ITGB6: variants seen among roughly 807,000 people sequenced by gnomAD.
The protein encoded by ITGB6 is integrin subunit beta 6.
Under a neutral mutation model 84.5 loss-of-function variants are expected in ITGB6, and 80 were observed. The observed-to-expected ratio is 0.95, with a 90% CI of 0.79 to 1.14. ITGB6 has a LOEUF of 1.14. ITGB6 is among the 50% of genes most tolerant of loss of function. ITGB6 has a pLI of 0.00. For missense variants in ITGB6, 1,006 were observed against 968.0 expected (o/e 1.04, Z -0.52); for synonymous variants, 383 against 354.9 (o/e 1.08, Z -0.89).
chr2:160,100,851 T>C lies in ITGB6; in HGVS notation c.*885A>G, dbSNP rs1251746888. 6.6e-6 allele frequency: 1 copy of C among 152,202 alleles called. No individual in the cohort carries two copies. The highest frequency in any genetic ancestry group is 1.5e-5 in the Non-Finnish European group (1 of 68,018). The allele number at this position is 152,202 out of a possible 1,614,324, so 9.4% of individuals were successfully genotyped here. On this transcript the variant is annotated 3_prime_UTR_variant, in exon 15 of 15. Coordinates refer to ENST00000283249, the MANE Select transcript of ITGB6 (RefSeq NM_000888.5). ...CACATGTTCCTTTTATATTATTGGA[T>C]CGCTCTTTGAATAAACTAAGCATTT...
intron 12 of ITGB6, 131 bp from the exon 13 acceptor site, chr2:160,112,330 T>C (rs899115430): frequency 2.4e-6 from 2 of 828,192 alleles, no homozygotes; most frequent in Admixed American, 6.6e-5. Flanking sequence ...AGGAGAGGCA[T>C]AGGTTTTTTT....
At position 160,123,681 on chromosome 2, in the gene ITGB6, G is replaced by A. The variant is rs1017195924; in HGVS notation, c.1981+110C>T. Reference sequence around the variant, plus strand: ...ATGAATGTGAGTGAGCTAATGCCCTGGTACAAATAAGGTCAAGCTACTAAA... The same window carrying A: ...ATGAATGTGAGTGAGCTAATGCCCTAGTACAAATAAGGTCAAGCTACTAAA... On this transcript the variant is annotated intron_variant, in intron 12 of 14. Transcript: ENST00000283249. 5 of 741,800 alleles carry A rather than the reference G, an allele frequency of 6.7e-6. No individual in the cohort carries two copies. In the South Asian group the frequency reaches 8.5e-5, roughly 13 times the overall value. The allele number at this position is 741,800 out of a possible 1,614,324, so 46.0% of individuals were successfully genotyped here.
intron 6 of ITGB6, among the ~76,000 whole-genome samples, chr2:160,170,510 C>T (rs1685160354): frequency 6.6e-6 from 1 of 152,230 alleles, no homozygotes; most frequent in South Asian, 2.1e-4. Context: ...CGTGTTCCCA[C>T]ACTCCTTAGC....
At chr2:160,183,707 G>A (rs886333614) in intron 4 of ITGB6, among the ~76,000 whole-genome samples, 5 of 152,176 alleles carry the variant, frequency 3.3e-5, no homozygotes, top group Admixed American at 6.5e-5. Flanking sequence ...GCACCAAGTC[G>A]CACTTATTCT....
intron 7 of ITGB6, among the ~76,000 whole-genome samples, chr2:160,153,233 A>C (rs1356792317): frequency 6.6e-6 from 1 of 152,224 alleles, no homozygotes; most frequent in Non-Finnish European, 1.5e-5. Flanking sequence ...CTGGTACCAA[A>C]ACAGAGATAT....
intron 10 of ITGB6, among the ~76,000 whole-genome samples, chr2:160,134,701 C>T (rs879415604): frequency 9.9e-5 from 15 of 152,214 alleles, no homozygotes; most frequent in South Asian, 4.2e-4. Flanking sequence ...AAAAAGCTTA[C>T]CCACCATGAT....
intron 8 of ITGB6, among the ~76,000 whole-genome samples, chr2:160,140,368 T>G (rs897130594): frequency 3.9e-5 from 6 of 152,196 alleles, no homozygotes; most frequent in African/African-American, 1.2e-4. Flanking sequence ...CGTGAAGTAT[T>G]TGGGATCTTA....
intron 7 of ITGB6, among the ~76,000 whole-genome samples, chr2:160,163,397 C>T (rs1406799314): frequency 1.3e-5 from 2 of 152,136 alleles, no homozygotes; most frequent in South Asian, 4.2e-4. Flanking sequence ...TTTGGGAAGT[C>T]GAGGTGGGTG....
At chr2:160,153,484 C>T (rs1408490644) in intron 7 of ITGB6, among the ~76,000 whole-genome samples, 3 of 152,054 alleles carry the variant, frequency 2.0e-5, no homozygotes, top group Admixed American at 6.5e-5. Context: ...CCATAAAAAC[C>T]CTAGAAGAAA....
In ITGB6 at chr2:160,126,583, C is replaced by T; in HGVS notation, c.1679G>A (p.Cys560Tyr). Residue 560 changes from cysteine (C) to tyrosine (Y), a missense_variant, in exon 11 of 15, where the codon TGT becomes TAT. Physicochemically the swap from Cys to Tyr is radical, Grantham distance 194. Transcript: ENST00000283249. ...GCCGCTCCTGCACACACATTCACCA[C>T]AGTCACAGTCGCCGTTACCTGTAAC... is the stretch of plus-strand genomic sequence containing the variant. ...LLCGGNGDCD[C>Y]GECVCRSGWT... 1 of 1,613,352 alleles carries T rather than the reference C, an allele frequency of 6.2e-7. No homozygotes were observed. The highest frequency in any genetic ancestry group is 8.5e-7 in the Non-Finnish European group (1 of 1,179,920).
intron 7 of ITGB6, among the ~76,000 whole-genome samples, chr2:160,144,206 T>C (rs1553482314): frequency 1.3e-5 from 2 of 152,034 alleles, no homozygotes; most frequent in Non-Finnish European, 2.9e-5. Flanking sequence ...CCTGGTAAAA[T>C]CTGAACTCTT....
chr2:160,184,890 C>G (rs539085322), intron 4 of ITGB6, among the ~76,000 whole-genome samples: 6 of 152,304 alleles, frequency 3.9e-5, no homozygotes, highest in African/African-American at 1.4e-4. Context: ...ACATGATTAT[C>G]TCAATAGTTG....
At position 160,169,226 on chromosome 2, in the gene ITGB6, C is replaced by T; in HGVS notation, c.1003G>A (p.Val335Ile). 1 of 1,595,596 alleles carries T rather than the reference C, an allele frequency of 6.3e-7. No individual in the cohort carries two copies. The change falls in exon 7 of 15, where the codon GTT (valine) becomes ATT (isoleucine). Residue 335 changes from valine to isoleucine, a missense_variant. By Grantham distance (29) the Val-to-Ile change is conservative. Coordinates refer to ENST00000283249, the MANE Select transcript of ITGB6 (RefSeq NM_000888.5). ...TTTTTGCTTACCTCATATAAATGAA[C>T]TTGTTCTTGGGTTACAGCGAAGATC... ...LLIFAVTQEQVHLYENYAKLI... is the reference protein window; with the variant it reads ...LLIFAVTQEQIHLYENYAKLI...
chr2:160,177,110 C>G (rs1685447829), intron 4 of ITGB6, among the ~76,000 whole-genome samples: 1 of 151,812 alleles, frequency 6.6e-6, no homozygotes, highest in South Asian at 2.1e-4. Context: ...TTAAAAAAAA[C>G]TATACTAGTT....
intron 7 of ITGB6, among the ~76,000 whole-genome samples, chr2:160,148,356 G>A (rs1684276936): frequency 6.6e-6 from 1 of 152,186 alleles, no homozygotes. Flanking sequence ...CATTGCTGGT[G>A]GGAATGCAAA....
chr2:160,123,681 G>T, intron 12 of ITGB6, 110 bp downstream of exon 12: 1 of 741,918 alleles, frequency 1.3e-6, no homozygotes, highest in Non-Finnish European at 2.3e-6. Flanking sequence ...CTAATGCCCT[G>T]GTACAAATAA....
At position 160,200,081 on chromosome 2, in the gene ITGB6, G is replaced by A. The variant is rs1291533161; in HGVS notation, c.-18C>T. The A allele has an allele frequency of 1.2e-6, 2 of 1,609,338 alleles. No individual in the cohort carries two copies. The highest frequency in any genetic ancestry group is 1.7e-5 in the Admixed American group (1 of 59,522). On this transcript the variant is annotated 5_prime_UTR_variant, in exon 1 of 15. Coordinates refer to ENST00000283249, the MANE Select transcript of ITGB6 (RefSeq NM_000888.5). ...ATCCCCATTCGTTTCAGTTCTTGCT[G>A]TGCAGACCGATTAAAAAATGAATTA...
At chr2:160,122,887 C>CA (rs1322282719) in intron 12 of ITGB6, among the ~76,000 whole-genome samples, 1 of 152,184 alleles carries the variant, frequency 6.6e-6, no homozygotes, top group Non-Finnish European at 1.5e-5. Flanking sequence ...CCTGGAGGGT[C>CA]ATACATTATT....
At position 160,137,812 on chromosome 2, in the gene ITGB6, T is replaced by C; in HGVS notation, c.1282A>G (p.Arg428Gly). 6.2e-7 allele frequency: 1 copy of C among 1,614,120 alleles called. No individual in the cohort carries two copies. The highest frequency in any genetic ancestry group is 8.5e-7 in the Non-Finnish European group (1 of 1,180,006). The change falls in exon 10 of 15, where the codon AGA becomes GGA. Residue 428 changes from arginine (R) to glycine (G), a missense_variant. Coordinates refer to ENST00000283249, the MANE Select transcript of ITGB6 (RefSeq NM_000888.5). ...TTTATGATAATGTGCCTGCTTCTTC[T>C]CTCGCAGTGTGGGATATTCACAGTC... ...SVTVNIPHCERRSRHIIIKPV... is the reference protein window; with the variant it reads ...SVTVNIPHCEGRSRHIIIKPV...
Sources: allele counts gnomAD v4.1 joint callset (sites outside exome capture counted in the v4.1 genomes callset), GRCh38; gene constraint gnomAD v4.1.1; transcripts MANE v1.5; gene names NCBI Gene and HGNC (gene_info 2026-07-23, HGNC 2026-07-21).